Variants in SLC44A5 observed in about 807,000 individuals in gnomAD.
SLC44A5 encodes choline transporter-like protein 5.
A neutral mutation model predicts 101.8 loss-of-function variants in SLC44A5; 57 were observed. The ratio of observed to expected loss-of-function variants is 0.56; its 90% CI spans 0.45 to 0.70. The LOEUF is 0.70. Ranked by LOEUF, SLC44A5 falls within the 30% of genes least tolerant of loss-of-function variation. The pLI, the probability that SLC44A5 is intolerant of heterozygous loss-of-function variation, is 0.00. For synonymous variants in SLC44A5, 281 were observed against 290.9 expected, an observed-to-expected ratio of 0.97 and a Z score of 0.35; for missense variants, 737 against 853.1, an observed-to-expected ratio of 0.86 and a Z score of 1.70.
At chr1:75,568,675 C>T (rs1157180639) in intron 1 of SLC44A5, among the ~76,000 whole-genome samples, 1 of 152,112 alleles carries the variant, frequency 6.6e-6, no homozygotes, top group African/African-American at 2.4e-5. Context: ...ATTCTTAATC[C>T]TACGATCCAC....
At chr1:75,220,772 T>C (rs1327179310) in intron 14 of SLC44A5, among the ~76,000 whole-genome samples, 1 of 152,162 alleles carries the variant, frequency 6.6e-6, no homozygotes, top group African/African-American at 2.4e-5. Context: ...GAAAATCTTA[T>C]CACTCCTAAT....
chr1:75,481,935 A>G (rs1169719102), intron 2 of SLC44A5, among the ~76,000 whole-genome samples: 5 of 152,172 alleles, frequency 3.3e-5, no homozygotes, highest in Non-Finnish European at 5.9e-5. Flanking sequence ...TACCCAAAGG[A>G]CTATAAATCA....
At chr1:75,445,523 G>GTATATATTACGTAATATATAC (rs1665509174) in intron 2 of SLC44A5, among the ~76,000 whole-genome samples, 1 of 147,790 alleles carries the variant, frequency 6.8e-6, no homozygotes, top group Non-Finnish European at 1.5e-5. Context: ...TATAATATAT[G>GTATATATTACGTAATATATAC]TATATATTAC....
intron 6 of SLC44A5, among the ~76,000 whole-genome samples, chr1:75,261,498 A>T (rs1650500629): frequency 6.6e-6 from 1 of 152,156 alleles, no homozygotes; most frequent in Non-Finnish European, 1.5e-5. Context: ...ATAGACCAGT[A>T]ACAAGTTCTG....
chr1:75,653,672 A>G, the SLC44A5 span, among the ~76,000 whole-genome samples: 1 of 152,230 alleles, frequency 6.6e-6, no homozygotes, highest in Admixed American at 6.5e-5. Context: ...ACAGTCTGAT[A>G]TAAAGAACTC....
the SLC44A5 span, among the ~76,000 whole-genome samples, chr1:75,695,580 G>A: frequency 6.6e-6 from 1 of 151,682 alleles, no homozygotes; most frequent in African/African-American, 2.4e-5. Flanking sequence ...CAATTCCTAG[G>A]ACAATACTTA....
At chr1:75,303,492 C>T (rs905960802) in intron 4 of SLC44A5, among the ~76,000 whole-genome samples, 2 of 152,202 alleles carry the variant, frequency 1.3e-5, no homozygotes, top group Non-Finnish European at 1.5e-5. Flanking sequence ...CCTTGGCCTC[C>T]CAAAATGCTG....
chr1:75,502,811 G>T (rs1470605798), intron 2 of SLC44A5, among the ~76,000 whole-genome samples: 2 of 149,754 alleles, frequency 1.3e-5, no homozygotes, highest in East Asian at 4.0e-4. Flanking sequence ...GCTCAAATAG[G>T]ATTTTAGCAT....
chr1:75,374,507 G>A (rs1034334169), intron 3 of SLC44A5, among the ~76,000 whole-genome samples: 2 of 152,118 alleles, frequency 1.3e-5, no homozygotes, highest in African/African-American at 4.8e-5. Context: ...GTAACTGCAG[G>A]GTACTCCACT....
chr1:75,423,264 G>C (rs1412703698), intron 2 of SLC44A5, among the ~76,000 whole-genome samples: 1 of 152,156 alleles, frequency 6.6e-6, no homozygotes, highest in African/African-American at 2.4e-5. Context: ...GTAAGGTCAA[G>C]CTTCCTCAGC....
intron 1 of SLC44A5, among the ~76,000 whole-genome samples, chr1:75,544,330 T>C (rs773601006): frequency 3.3e-5 from 5 of 152,212 alleles, no homozygotes; most frequent in Non-Finnish European, 7.3e-5. Context: ...TTTAGAACTA[T>C]AAGCCACTAT....
At chr1:75,678,075 C>A in the SLC44A5 span, among the ~76,000 whole-genome samples, 2 of 152,310 alleles carry the variant, frequency 1.3e-5, no homozygotes, top group African/African-American at 4.8e-5. Context: ...AACGGCGCAC[C>A]ACGAGATTAT....
chr1:75,531,820 A>T (rs1339059162), intron 2 of SLC44A5, among the ~76,000 whole-genome samples: 1 of 152,170 alleles, frequency 6.6e-6, no homozygotes, highest in Non-Finnish European at 1.5e-5. Flanking sequence ...CATTTATTAA[A>T]CCTTTATTGT....
chr1:75,477,595 C>G (rs1043827811), intron 2 of SLC44A5, among the ~76,000 whole-genome samples: 2 of 151,926 alleles, frequency 1.3e-5, no homozygotes, highest in Admixed American at 6.6e-5. Context: ...TCGAGAACTA[C>G]GTGAAGAATG....
intron 1 of SLC44A5, among the ~76,000 whole-genome samples, chr1:75,551,546 C>T (rs765212256): frequency 9.2e-5 from 14 of 152,024 alleles, no homozygotes; most frequent in Non-Finnish European, 1.6e-4. Context: ...CTCATAGAGA[C>T]GTCTAAATTG....
chr1:75,572,473 C>A (rs1673124258), intron 1 of SLC44A5, among the ~76,000 whole-genome samples: 1 of 152,180 alleles, frequency 6.6e-6, no homozygotes, highest in Non-Finnish European at 1.5e-5. Flanking sequence ...AGTATAACTT[C>A]CATAGACCAA....
At chr1:75,386,488 A>G (rs1661358217) in intron 3 of SLC44A5, among the ~76,000 whole-genome samples, 1 of 152,198 alleles carries the variant, frequency 6.6e-6, no homozygotes, top group African/African-American at 2.4e-5. Context: ...AATACCTAGG[A>G]ATCCAACTTA....
chr1:75,693,512 C>A, the SLC44A5 span, among the ~76,000 whole-genome samples: 1 of 152,042 alleles, frequency 6.6e-6, no homozygotes, highest in Admixed American at 6.5e-5. Flanking sequence ...TATACATTTG[C>A]GAATGGGTAC....
intron 2 of SLC44A5, among the ~76,000 whole-genome samples, chr1:75,476,961 CCT>C (rs1241071509): frequency 1.3e-5 from 2 of 152,184 alleles, no homozygotes; most frequent in Non-Finnish European, 2.9e-5. Flanking sequence ...CAAGTGGGTC[CCT>C]GACCCCTGAC....
Sources: gnomAD v4.1 joint callset for allele counts (sites outside exome capture counted in the v4.1 genomes callset) on GRCh38, gnomAD v4.1.1 for gene constraint, MANE v1.5 for transcripts, NCBI Gene and HGNC (gene_info 2026-07-23, HGNC 2026-07-21) for gene names.